Variants in AR observed in about 807,000 individuals in gnomAD.
AR encodes the protein androgen receptor.
AR carries 8 observed loss-of-function variants against 53.9 expected under a neutral mutation model. That is an observed-to-expected ratio of 0.15 (90% CI 0.09 to 0.27). AR has a LOEUF of 0.27. Among genes scored for constraint, AR ranks in the 10% least tolerant of loss-of-function variants. The probability of loss-of-function intolerance (pLI) is 1.00; values close to 1 mark genes in which losing one functional copy is unlikely to be tolerated. For synonymous variants in AR, 359 were observed against 316.4 expected, an observed-to-expected ratio of 1.13 and a Z score of -1.43; for missense variants, 639 against 742.5, an observed-to-expected ratio of 0.86 and a Z score of 1.62.
chrX:67,637,178 T>C (rs1033124630), intron 1 of AR, among the ~76,000 whole-genome samples: 1 of 110,412 alleles, frequency 9.1e-6, no homozygotes, highest in African/African-American at 3.3e-5. Flanking sequence ...GTTTTTTTTT[T>C]ATTTTATTAT....
At chrX:67,554,878 G>A (rs1371306980) in intron 1 of AR, among the ~76,000 whole-genome samples, 1 of 105,080 alleles carries the variant, frequency 9.5e-6, no homozygotes, top group Non-Finnish European at 1.9e-5. Context: ...AGAGGTTGCA[G>A]TGAGCCGAGA....
At chrX:67,576,918 A>G (rs753322545) in intron 1 of AR, among the ~76,000 whole-genome samples, 1 of 110,506 alleles carries the variant, frequency 9.0e-6, no homozygotes, top group Non-Finnish European at 1.9e-5. Flanking sequence ...TTGTCTTTTT[A>G]AATAGTTTTA....
intron 3 of AR, among the ~76,000 whole-genome samples, chrX:67,690,340 A>G (rs1417496472): frequency 8.9e-6 from 1 of 111,835 alleles, no homozygotes; most frequent in Non-Finnish European, 1.9e-5. Flanking sequence ...GCCTATTGCC[A>G]TGGTCTGATG....
chrX:67,589,399 C>A (rs988711147), intron 1 of AR, among the ~76,000 whole-genome samples: 2 of 112,314 alleles, frequency 1.8e-5, no homozygotes, highest in African/African-American at 6.5e-5. Flanking sequence ...CTTTAGCTCA[C>A]GGCCTTACAG....
intron 1 of AR, among the ~76,000 whole-genome samples, chrX:67,628,950 C>T (rs1382199343): frequency 9.0e-6 from 1 of 111,218 alleles, no homozygotes; most frequent in Non-Finnish European, 1.9e-5. Flanking sequence ...TATTGATTTG[C>T]GTATATTGAA....
chrX:67,693,131 C>G (rs1211526274), intron 3 of AR, among the ~76,000 whole-genome samples: 2 of 112,707 alleles, frequency 1.8e-5, no homozygotes, highest in Non-Finnish European at 3.7e-5. Context: ...GTAAATTTTT[C>G]TAATCATAAA....
chrX:67,629,616 G>T (rs1382085740), intron 1 of AR, among the ~76,000 whole-genome samples: 2 of 110,184 alleles, frequency 1.8e-5, no homozygotes, highest in African/African-American at 3.3e-5. Context: ...TTTTTGAAGG[G>T]TTTTTTGTGT....
chrX:67,572,346 G>C (rs990685250), intron 1 of AR, among the ~76,000 whole-genome samples: 3 of 111,154 alleles, frequency 2.7e-5, no homozygotes, highest in Non-Finnish European at 3.8e-5. Context: ...TTAATGCTTT[G>C]CACATGCAAC....
At chrX:67,621,815 A>G (rs918904713) in intron 1 of AR, among the ~76,000 whole-genome samples, 2 of 111,691 alleles carry the variant, frequency 1.8e-5, no homozygotes, top group Admixed American at 1.9e-4. Flanking sequence ...GTGAAGTTCA[A>G]TGTGCAGCCA....
At chrX:67,557,698 A>G (rs1246885964) in intron 1 of AR, among the ~76,000 whole-genome samples, 1 of 111,555 alleles carries the variant, frequency 9.0e-6, no homozygotes, top group Non-Finnish European at 1.9e-5. Context: ...TGAATTCTGA[A>G]TCAGTAGATT....
rs777131133 is a variant in AR, at chrX:67,545,674, C to A, written c.528C>A (p.Ser176Arg). The change falls in exon 1 of 8, where the codon AGC (serine) becomes AGA (arginine). Residue 176 changes from serine to arginine, a missense_variant. Physicochemically the swap from Ser to Arg is moderately radical, Grantham distance 110 (BLOSUM62 -1). Coordinates refer to ENST00000374690, the MANE Select transcript of AR (RefSeq NM_000044.6). ...GCCCCACTTTCCCCGGCTTAAGCAG[C>A]TGCTCCGCTGACCTTAAAGACATCC... ...LLGPTFPGLS[S>R]CSADLKDILS... is the part of the protein sequence containing the mutation. The A allele has an allele frequency of 1.5e-4, 182 of 1,201,360 alleles. 1 individual carries two copies. In the East Asian group the frequency reaches 4.5e-3, roughly 30 times the overall value.
chrX:67,682,771 T>C (rs1429031705), intron 2 of AR, among the ~76,000 whole-genome samples: 2 of 111,827 alleles, frequency 1.8e-5, no homozygotes, highest in African/African-American at 6.5e-5. Flanking sequence ...ATAATTCAGA[T>C]AGGAGAAGTG....
chrX:67,570,600 A>G (rs755137982), intron 1 of AR, among the ~76,000 whole-genome samples: 10 of 111,487 alleles, frequency 9.0e-5, no homozygotes, highest in Non-Finnish European at 1.5e-4. Flanking sequence ...GGGCTGCATA[A>G]GAACTATGTT....
intron 1 of AR, among the ~76,000 whole-genome samples, chrX:67,577,280 G>A (rs1325948199): frequency 9.0e-6 from 1 of 111,139 alleles, no homozygotes; most frequent in African/African-American, 3.3e-5. Flanking sequence ...AGGTTCATCT[G>A]CATTGTAGCA....
chrX:67,621,250 G>A (rs1465162714), intron 1 of AR, among the ~76,000 whole-genome samples: 1 of 111,429 alleles, frequency 9.0e-6, no homozygotes, highest in Non-Finnish European at 1.9e-5. Flanking sequence ...TGATGAAGGA[G>A]TTGGACTAGT....
chrX:67,687,635 A>G (rs1378942482), intron 3 of AR, among the ~76,000 whole-genome samples: 2 of 111,939 alleles, frequency 1.8e-5, no homozygotes, highest in African/African-American at 6.5e-5. Context: ...AAAGTGATTG[A>G]CAAGAAAAAA....
In AR at chrX:67,655,727, C is replaced by T. The variant is rs113384234; in HGVS notation, c.1768+12320C>T. The stretch of plus-strand genomic sequence containing the variant: ...TTTTCTTAACTGTAAAATAGGCATA[C>T]AGATGACCACCCCCAGAGGATTCAT... On this transcript the variant is annotated intron_variant, in intron 2 of 7. Transcript: ENST00000374690. 2.8e-3 allele frequency among the ~76,000 whole-genome samples: 317 copies of T among 111,337 alleles called. 1 individual carries two copies. Among genetic ancestry groups the T allele is most frequent in the African/African-American group, 9.8e-3 (300 of 30,652 alleles).
intron 1 of AR, among the ~76,000 whole-genome samples, chrX:67,568,194 T>A (rs540282795): frequency 8.9e-6 from 1 of 111,933 alleles, no homozygotes; most frequent in South Asian, 3.7e-4. Flanking sequence ...ATTTGTCAAC[T>A]TGGTGAAAAG....
At position 67,546,564 on chromosome X, in the gene AR, G is replaced by GCGGCGGCGA. The variant is rs1555969991; in HGVS notation, c.1420_1421insGCGGCGACG (p.Gly473_Glu474insGlyGlyAsp). The GCGGCGGCGA allele has an allele frequency of 9.2e-6, 9 of 979,954 alleles. No individual in the cohort carries two copies. The highest frequency in any genetic ancestry group is 3.5e-4 in the Middle Eastern group (1 of 2,853). 80.8% of individuals were successfully genotyped at this position (979,954 alleles called of 1,213,427 possible). A position where few individuals can be genotyped will look rare whatever the true frequency, so the allele number is the denominator to read the frequency against. ...GGCGGCGGCGGCGGCGGCGGCGGCGGCGAGGCGGGAGCTGTAGCCCCCTAC... is the reference window on the plus strand; with the variant it reads ...GGCGGCGGCGGCGGCGGCGGCGGCGGCGGCGGCGACGAGGCGGGAGCTGTAGCCCCCTAC... On this transcript the variant is annotated inframe_insertion, in exon 1 of 8. Transcript: ENST00000374690.
Sources: gnomAD v4.1 joint callset for allele counts (sites outside exome capture counted in the v4.1 genomes callset) on GRCh38, gnomAD v4.1.1 for gene constraint, MANE v1.5 for transcripts, NCBI Gene and HGNC (gene_info 2026-07-23, HGNC 2026-07-21) for gene names.